FCGR2A: variants seen among roughly 807,000 people sequenced by gnomAD.
The protein encoded by FCGR2A is Fc gamma receptor IIa.
FCGR2A carries 18 observed loss-of-function variants against 29.3 expected under a neutral mutation model. The ratio of observed to expected loss-of-function variants is 0.62; its 90% confidence interval spans 0.43 to 0.91. FCGR2A has a LOEUF of 0.91. FCGR2A is among the 40% of genes least tolerant of loss of function. The pLI is 0.00. For synonymous variants in FCGR2A, 126 were observed against 144.8 expected (o/e 0.87, Z 0.93); for missense variants, 287 against 393.0 (o/e 0.73, Z 2.28).
chr1:161,506,111 C>G (rs971292584), intron 2 of FCGR2A, 104 bp downstream of exon 2: 18 of 1,362,942 alleles, frequency 1.3e-5, no homozygotes, highest in Non-Finnish European at 1.9e-5. Flanking sequence ...CACTGAAAAT[C>G]AAGCTTGGGT....
At chr1:161,520,424 A>G (rs929321635), downstream of FCGR2A, among the ~76,000 whole-genome samples, 32 of 151,974 alleles carry the variant, frequency 2.1e-4, no homozygotes, top group African/African-American at 7.7e-4. Context: ...AGCATGGGGA[A>G]ACCGTCGCCA....
chr1:161,512,003 G>T (rs552029062), intron 5 of FCGR2A, among the ~76,000 whole-genome samples: 6 of 152,286 alleles, frequency 3.9e-5, no homozygotes, highest in East Asian at 1.9e-4. Flanking sequence ...GGCCTAAAGA[G>T]GACCTCGCTG....
downstream of FCGR2A, among the ~76,000 whole-genome samples, chr1:161,521,160 G>A (rs12061548): frequency 2.0e-5 from 3 of 149,744 alleles, no homozygotes; most frequent in Non-Finnish European, 3.0e-5. Flanking sequence ...TCTCCATTGT[G>A]CTTATTACTA....
chr1:161,516,583 C>A (rs930471396), intron 6 of FCGR2A, among the ~76,000 whole-genome samples: 2 of 151,730 alleles, frequency 1.3e-5, no homozygotes, highest in African/African-American at 4.8e-5. Flanking sequence ...TTTTATTATA[C>A]CTATATAAAT....
At chr1:161,511,478 A>G (rs1309720667) in intron 5 of FCGR2A, among the ~76,000 whole-genome samples, 1 of 152,248 alleles carries the variant, frequency 6.6e-6, no homozygotes, top group African/African-American at 2.4e-5. Flanking sequence ...GCAGACTGTG[A>G]GACACAGGGG....
intron 6 of FCGR2A, among the ~76,000 whole-genome samples, chr1:161,516,690 TA>T (rs1245615758): frequency 2.0e-5 from 3 of 151,710 alleles, no homozygotes; most frequent in Non-Finnish European, 4.4e-5. Context: ...TTCTCCAGAA[TA>T]AAAAAGATTA....
intron 6 of FCGR2A, among the ~76,000 whole-genome samples, chr1:161,516,794 A>C (rs1210074246): frequency 2.9e-5 from 4 of 136,902 alleles, no homozygotes; most frequent in Non-Finnish European, 4.7e-5. Context: ...AACCAGATTG[A>C]CTCCTGAATT....
At chr1:161,507,872 A>G (rs376162022) in intron 3 of FCGR2A, among the ~76,000 whole-genome samples, 1 of 152,258 alleles carries the variant, frequency 6.6e-6, no homozygotes, top group East Asian at 1.9e-4. Flanking sequence ...GGATCACCTG[A>G]GGTTGGGATT....
rs1196813465 is a variant in FCGR2A at position 161,518,741 on chromosome 1, T to G, written c.*593T>G. On this transcript the variant is annotated 3_prime_UTR_variant, in exon 7 of 7. Coordinates refer to ENST00000271450, the MANE Select transcript of FCGR2A (RefSeq NM_001136219.3). ...TCTCATGCCTCAGCCTCCCAGTAGC[T>G]GGGATTAGAGGCATGTGCCATCATA... 2 of 156,838 alleles carry G rather than the reference T, an allele frequency of 1.3e-5. No individual in the cohort carries two copies. The highest frequency in any genetic ancestry group is 2.8e-5 in the Non-Finnish European group (2 of 71,306). The allele number at this position is 156,838 out of a possible 1,614,324, so 9.7% of individuals were successfully genotyped here.
downstream of FCGR2A, chr1:161,523,925 A>C (rs41297666): frequency 0.023 from 3,463 of 152,318 alleles, 150 homozygotes; most frequent in East Asian, 0.19. Flanking sequence ...TGCTACTGTC[A>C]GCTAAAGACC....
At chr1:161,515,559 G>T (rs551667222) in intron 6 of FCGR2A, among the ~76,000 whole-genome samples, 2 of 152,118 alleles carry the variant, frequency 1.3e-5, no homozygotes, top group East Asian at 3.9e-4. Context: ...GAGAAGCTTC[G>T]TACCCTTTCT....
In FCGR2A at chr1:161,514,329, T is replaced by C. The variant is rs57369542; in HGVS notation, c.780+397T>C. Among the ~76,000 whole-genome samples, 89 of 149,764 alleles carry C rather than the reference T, an allele frequency of 5.9e-4. 2 individuals are homozygous for C. The highest frequency in any genetic ancestry group is 5.9e-3 in the South Asian group (28 of 4,752). ...AAATTTCTTTATTTTTCTTCCACATTTTCCAAATTAATACTTGTCTCTGAC... is the reference window on the plus strand; with the variant it reads ...AAATTTCTTTATTTTTCTTCCACATCTTCCAAATTAATACTTGTCTCTGAC... On this transcript the variant is annotated intron_variant, in intron 6 of 6. Coordinates refer to ENST00000271450, the MANE Select transcript of FCGR2A (RefSeq NM_001136219.3).
At chr1:161,509,302 C>T (rs892385794) in intron 3 of FCGR2A, among the ~76,000 whole-genome samples, 1 of 151,500 alleles carries the variant, frequency 6.6e-6, no homozygotes, top group African/African-American at 2.4e-5. Flanking sequence ...GCAGCCAGAA[C>T]AGACTAAGAC....
At chr1:161,510,427 A>G (rs1247147721) in intron 4 of FCGR2A, 1 of 498,098 alleles carries the variant, frequency 2.0e-6, no homozygotes, top group Non-Finnish European at 3.7e-6. Context: ...GGCTCATGTT[A>G]TAGCCATTCA....
At chr1:161,510,102 A>T (rs535567676) in intron 4 of FCGR2A, 28 bp downstream of exon 4, 84 of 1,610,970 alleles carry the variant, frequency 5.2e-5, no homozygotes, top group Non-Finnish European at 7.0e-5. Flanking sequence ...AGATGTAGGG[A>T]GGGGAGAAGA....
intron 6 of FCGR2A, among the ~76,000 whole-genome samples, 188 bp downstream of exon 6, chr1:161,514,120 A>G (rs1424944676): frequency 6.6e-6 from 1 of 152,184 alleles, no homozygotes; most frequent in Admixed American, 6.5e-5. Context: ...GTGAAACTCA[A>G]GTTGGATTGT....
downstream of FCGR2A, chr1:161,519,985 T>G (rs1442973539): frequency 2.6e-5 from 4 of 151,826 alleles, no homozygotes; most frequent in East Asian, 7.7e-4. Context: ...GTCTCCTTGA[T>G]GGTTTGGTGA....
downstream of FCGR2A, among the ~76,000 whole-genome samples, chr1:161,520,342 T>C (rs1171980774): frequency 6.6e-6 from 1 of 151,904 alleles, no homozygotes; most frequent in Non-Finnish European, 1.5e-5. Flanking sequence ...ACAGAGTGAG[T>C]GCAAGCAGGG....
At chr1:161,519,841 A>G (rs1676382419), downstream of FCGR2A, 1 of 152,166 alleles carries the variant, frequency 6.6e-6, no homozygotes, top group Non-Finnish European at 1.5e-5. Flanking sequence ...ACAAGTTGTC[A>G]GAAAGGCAAA....
Sources: allele counts gnomAD v4.1 joint callset (sites outside exome capture counted in the v4.1 genomes callset), GRCh38; gene constraint gnomAD v4.1.1; transcripts MANE v1.5; gene names NCBI Gene and HGNC (gene_info 2026-07-23, HGNC 2026-07-21).